PLD5: variants seen among roughly 807,000 people sequenced by gnomAD.
The protein encoded by PLD5 is phospholipase D family member 5.
PLD5 carries 36 observed loss-of-function variants against 61.1 expected under a neutral mutation model. The ratio of observed to expected loss-of-function variants is 0.59; its 90% CI spans 0.45 to 0.78. PLD5 has a LOEUF of 0.78. Ranked by LOEUF, PLD5 falls within the 30% of genes least tolerant of loss-of-function variation. PLD5 has a pLI of 0.00. For missense variants in PLD5, 515 were observed against 644.4 expected, an observed-to-expected ratio of 0.80 and a Z score of 2.17; for synonymous variants, 243 against 242.8, an observed-to-expected ratio of 1.00 and a Z score of -0.01.
chr1:242,089,832 T>C lies in PLD5; in HGVS notation c.*22A>G, dbSNP rs780387448. On this transcript the variant is annotated 3_prime_UTR_variant, in exon 10 of 10. Coordinates refer to ENST00000536534, the MANE Select transcript of PLD5 (RefSeq NM_001372062.1). ...TGTATAAATATGAAATACAGAGCTG[T>C]CCTGTCAGTTTCTTCATCATGTTAT... 1 of 1,613,714 alleles carries C rather than the reference T, an allele frequency of 6.2e-7. No individual in the cohort carries two copies. The highest frequency in any genetic ancestry group is 2.2e-5 in the East Asian group (1 of 44,894).
chr1:242,203,976 C>A (rs1669154659), intron 5 of PLD5, among the ~76,000 whole-genome samples: 1 of 152,104 alleles, frequency 6.6e-6, no homozygotes, highest in Admixed American at 6.5e-5. Flanking sequence ...GTGGCTCACG[C>A]CTGTAATCCC....
intron 2 of PLD5, among the ~76,000 whole-genome samples, chr1:242,315,568 A>G (rs1676958235): frequency 6.6e-6 from 1 of 152,146 alleles, no homozygotes. Context: ...TATTGAATTG[A>G]AATAATAATG....
rs547387505 is a variant in PLD5, at chr1:242,501,365, C to T, written c.189+22723G>A. On this transcript the variant is annotated intron_variant, in intron 1 of 9. Transcript: ENST00000536534. ...GGAGCATGTCTGAGTACAGGACACA[C>T]TTCTCCTCTGTAATAATGAAAATTA... Among the ~76,000 whole-genome samples the T allele has an allele frequency of 9.8e-5, 15 of 152,354 alleles. No individual in the cohort carries two copies. The East Asian group carries it at 2.7e-3, about 27-fold the overall frequency.
chr1:242,503,402 C>T (rs768112360), intron 1 of PLD5, among the ~76,000 whole-genome samples: 2 of 152,154 alleles, frequency 1.3e-5, no homozygotes, highest in African/African-American at 2.4e-5. Context: ...CCTCAGAAGC[C>T]GAGCAGATGC....
rs531554313 is a variant in PLD5 at position 242,421,055 on chromosome 1, C to T, written c.190-72813G>A. Among the ~76,000 whole-genome samples, 380 of 151,684 alleles carry T rather than the reference C, an allele frequency of 2.5e-3. 1 individual carries two copies. Among genetic ancestry groups the T allele is most frequent in the Non-Finnish European group, 3.4e-3 (234 of 67,932 alleles). On this transcript the variant is annotated intron_variant, in intron 1 of 9. Transcript: ENST00000536534. ...ATTAGCCGGGCGTGGTGGCACGCGC[C>T]TGTAGTCCCAGCTACTCGGGAGGCT...
Position 242,436,119 on chromosome 1 carries a change from G to A in PLD5, c.190-87877C>T, listed in dbSNP as rs138565878. ...AACCCCACCCCCTCTTTCTGTTCAC[G>A]GTAGTAATGGAAACTTGTTGGTCAC... On this transcript the variant is annotated intron_variant, in intron 1 of 9. Transcript: ENST00000536534. Among the ~76,000 whole-genome samples, 105 of 152,140 alleles carry A rather than the reference G, an allele frequency of 6.9e-4. No individual in the cohort carries two copies. In the East Asian group the frequency reaches 0.019, roughly 28 times the overall value.
At chr1:242,404,275 G>T (rs78892330) in intron 1 of PLD5, among the ~76,000 whole-genome samples, 1 of 152,164 alleles carries the variant, frequency 6.6e-6, no homozygotes, top group South Asian at 2.1e-4. Flanking sequence ...TTTTCCTGAT[G>T]AAGCTATTTT....
intron 5 of PLD5, among the ~76,000 whole-genome samples, chr1:242,207,732 G>A (rs1488648598): frequency 4.8e-5 from 6 of 125,570 alleles, no homozygotes; most frequent in South Asian, 2.4e-4. Flanking sequence ...TATGGAAATC[G>A]ATGTTTTATA....
intron 9 of PLD5, among the ~76,000 whole-genome samples, chr1:242,099,353 C>G (rs1265893760): frequency 2.0e-5 from 3 of 152,162 alleles, no homozygotes; most frequent in African/African-American, 7.2e-5. Context: ...TCTTGAACTC[C>G]TGACCTCAGG....
chr1:242,094,202 C>T (rs1216354040), intron 9 of PLD5, among the ~76,000 whole-genome samples: 1 of 151,980 alleles, frequency 6.6e-6, no homozygotes, highest in African/African-American at 2.4e-5. Context: ...TGTAGTGTCA[C>T]CCAGAGGGAC....
intron 2 of PLD5, among the ~76,000 whole-genome samples, chr1:242,329,993 C>A (rs1659071788): frequency 6.6e-6 from 1 of 152,088 alleles, no homozygotes; most frequent in Non-Finnish European, 1.5e-5. Flanking sequence ...CTAGTGGCTC[C>A]CACAGTTTAA....
At position 242,112,305 on chromosome 1, in the gene PLD5, GT is replaced by G. The variant is rs1558232812; in HGVS notation, c.1070+1584del. 4.9e-4 allele frequency among the ~76,000 whole-genome samples: 57 copies of G among 116,498 alleles called. 1 individual carries two copies. Among genetic ancestry groups the G allele is most frequent in the Admixed American group, 3.0e-3 (35 of 11,750 alleles). The allele number at this position is 116,498 out of a possible 152,430, so 76.4% of individuals were successfully genotyped here. On this transcript the variant is annotated intron_variant, in intron 7 of 9. Coordinates refer to ENST00000536534, the MANE Select transcript of PLD5 (RefSeq NM_001372062.1). ...GCACTGTGTGTGTGTGTGTGTGTGTGTGTGTGTGTGTGTGTGTGTATGTATG... is the reference window on the plus strand; with the variant it reads ...GCACTGTGTGTGTGTGTGTGTGTGTGGTGTGTGTGTGTGTGTGTATGTATG...
chr1:242,381,083 A>G (rs1267849995), intron 1 of PLD5, among the ~76,000 whole-genome samples: 2 of 152,236 alleles, frequency 1.3e-5, no homozygotes, highest in African/African-American at 4.8e-5. Context: ...ATTCTATTAT[A>G]AAGACACATG....
At chr1:242,125,370 C>G (rs1012352434) in intron 5 of PLD5, among the ~76,000 whole-genome samples, 1 of 152,016 alleles carries the variant, frequency 6.6e-6, no homozygotes, top group Non-Finnish European at 1.5e-5. Flanking sequence ...CCACCTCTCT[C>G]AAGGCATGGA....
chr1:242,300,019 CA>C (rs1388822242), intron 2 of PLD5, among the ~76,000 whole-genome samples: 9 of 152,186 alleles, frequency 5.9e-5, no homozygotes, highest in Non-Finnish European at 1.2e-4. Flanking sequence ...GATGAAATGA[CA>C]GACATTAAGG....
At chr1:242,151,180 A>T (rs2148817500) in intron 5 of PLD5, among the ~76,000 whole-genome samples, 1 of 152,004 alleles carries the variant, frequency 6.6e-6, no homozygotes, top group African/African-American at 2.4e-5. Flanking sequence ...TTTCCTATAG[A>T]CATCGGTTAT....
intron 1 of PLD5, among the ~76,000 whole-genome samples, chr1:242,413,830 G>T (rs1363342072): frequency 6.6e-6 from 1 of 152,102 alleles, no homozygotes; most frequent in African/African-American, 2.4e-5. Flanking sequence ...ACCAATAAGT[G>T]GTATAGGATT....
intron 4 of PLD5, among the ~76,000 whole-genome samples, chr1:242,228,879 C>A (rs1443749163): frequency 6.6e-6 from 1 of 152,128 alleles, no homozygotes; most frequent in Non-Finnish European, 1.5e-5. Flanking sequence ...TCTGTGAGTT[C>A]CTCTAAATCT....
At chr1:242,449,517 C>T (rs1384260963) in intron 1 of PLD5, 2 of 1,486,422 alleles carry the variant, frequency 1.3e-6, no homozygotes, top group Non-Finnish European at 1.8e-6. Context: ...TTGCTGGCCT[C>T]AATGCTTTGG....
Sources: allele counts gnomAD v4.1 joint callset (sites outside exome capture counted in the v4.1 genomes callset), GRCh38; gene constraint gnomAD v4.1.1; transcripts MANE v1.5; gene names NCBI Gene and HGNC (gene_info 2026-07-23, HGNC 2026-07-21).